BCL6: variants seen among roughly 807,000 people sequenced by gnomAD.
BCL6 encodes the protein B-cell lymphoma 6 protein.
Under a neutral mutation model 59.5 loss-of-function variants are expected in BCL6, and 7 were observed. The ratio of observed to expected loss-of-function variants is 0.12; its 90% CI spans 0.07 to 0.22. The LOEUF is 0.22. BCL6 is among the 10% of genes least tolerant of loss of function. The probability of loss-of-function intolerance (pLI) is 1.00; values close to 1 mark genes in which losing one functional copy is unlikely to be tolerated. For missense variants in BCL6, 685 were observed against 939.4 expected, an observed-to-expected ratio of 0.73 and a Z score of 3.54; for synonymous variants, 339 against 349.7, an observed-to-expected ratio of 0.97 and a Z score of 0.34.
chr3:187,744,270 C>CTGAGTCCCCCCGCACACTGAAAG, intron 1 of BCL6, among the ~76,000 whole-genome samples: 1 of 152,282 alleles, frequency 6.6e-6, no homozygotes, highest in Non-Finnish European at 1.5e-5. Context: ...TCGAGGTTCC[C>CTGAGTCCCCCCGCACACTGAAAG]TGAGTCCCCC....
chr3:187,744,986 C>T (rs1711852833), intron 1 of BCL6, among the ~76,000 whole-genome samples: 3 of 152,122 alleles, frequency 2.0e-5, no homozygotes, highest in South Asian at 2.1e-4. Context: ...CCCCCAAGCA[C>T]TGTCTCGTCC....
chr3:187,733,141 T>A (rs1419430459), intron 3 of BCL6, among the ~76,000 whole-genome samples: 1 of 152,138 alleles, frequency 6.6e-6, no homozygotes, highest in Non-Finnish European at 1.5e-5. Context: ...AATAAATACA[T>A]TTATAGCATA....
chr3:187,745,086 G>C (rs2108485141), intron 1 of BCL6, among the ~76,000 whole-genome samples: 2 of 151,886 alleles, frequency 1.3e-5, no homozygotes, highest in Middle Eastern at 3.4e-3. Flanking sequence ...GGTGGCAAAA[G>C]CCTCCCCAAA....
At chr3:187,728,306 G>C in intron 6 of BCL6, 54 bp downstream of exon 6, 1 of 1,484,322 alleles carries the variant, frequency 6.7e-7, no homozygotes, top group Non-Finnish European at 9.1e-7. Flanking sequence ...AAAACCTATG[G>C]AGCAGAGGGG....
chr3:187,744,867 C>T (rs575553483), intron 1 of BCL6, among the ~76,000 whole-genome samples: 12 of 152,158 alleles, frequency 7.9e-5, no homozygotes, highest in Middle Eastern at 3.4e-3. Context: ...CCGCACGAAT[C>T]CAGAGAGATC....
chr3:187,724,628 T>A, intron 9 of BCL6: 2 of 347,058 alleles, frequency 5.8e-6, no homozygotes, highest in Non-Finnish European at 1.1e-5. Context: ...AATGAATGAA[T>A]CTAGGTGGAG....
intron 1 of BCL6, among the ~76,000 whole-genome samples, chr3:187,735,160 T>C (rs1476855185): frequency 1.3e-5 from 2 of 152,338 alleles, no homozygotes; most frequent in African/African-American, 4.8e-5. Flanking sequence ...TAATTAGTTA[T>C]ACATACATAC....
intron 1 of BCL6, among the ~76,000 whole-genome samples, chr3:187,741,633 C>A (rs1365427834): frequency 6.6e-6 from 1 of 152,176 alleles, no homozygotes; most frequent in Non-Finnish European, 1.5e-5. Flanking sequence ...GCTGCACCCT[C>A]GCTGTGCTCG....
chr3:187,745,132 T>G (rs562494417), intron 1 of BCL6, among the ~76,000 whole-genome samples: 6 of 151,870 alleles, frequency 4.0e-5, no homozygotes, highest in Middle Eastern at 3.4e-3. Flanking sequence ...ATAATAATAA[T>G]AAATACATAA....
At chr3:187,723,171 T>C (rs908187044) in intron 9 of BCL6, among the ~76,000 whole-genome samples, 1 of 152,226 alleles carries the variant, frequency 6.6e-6, no homozygotes, top group Admixed American at 6.5e-5. Flanking sequence ...TTCACGGAAA[T>C]TCTGGAGTCT....
At chr3:187,741,058 G>C (rs1220032921) in intron 1 of BCL6, among the ~76,000 whole-genome samples, 1 of 152,192 alleles carries the variant, frequency 6.6e-6, no homozygotes, top group Non-Finnish European at 1.5e-5. Context: ...CAGCCCGTCC[G>C]AGAATCGCCG....
intron 6 of BCL6, 51 bp downstream of exon 6, chr3:187,728,309 C>T: frequency 6.7e-7 from 1 of 1,491,176 alleles, no homozygotes; most frequent in Non-Finnish European, 9.1e-7. Flanking sequence ...ACCTATGGAG[C>T]AGAGGGGCCT....
chr3:187,728,905 A>T (rs1718868399), intron 5 of BCL6, 145 bp downstream of exon 5: 1 of 1,157,932 alleles, frequency 8.6e-7, no homozygotes, highest in East Asian at 2.7e-5. Flanking sequence ...AGTGTAAAAT[A>T]CTTCCTTACT....
chr3:187,730,982 C>T (rs1039314901), intron 4 of BCL6, among the ~76,000 whole-genome samples: 2 of 152,088 alleles, frequency 1.3e-5, no homozygotes, highest in Admixed American at 6.5e-5. Context: ...TCTGTTTGAG[C>T]GAGGATGCAA....
intron 3 of BCL6, 64 bp downstream of exon 3, chr3:187,733,469 T>C (rs934052622): frequency 6.4e-7 from 1 of 1,573,322 alleles, no homozygotes; most frequent in Non-Finnish European, 8.7e-7. Context: ...TGTTCTGCCT[T>C]GCTTGGCTGC....
intron 6 of BCL6, 64 bp from the exon 7 acceptor site, chr3:187,726,962 C>T (rs999795293): frequency 1.4e-4 from 225 of 1,564,996 alleles, no homozygotes; most frequent in Admixed American, 1.1e-3. Flanking sequence ...GCTCTAAGGC[C>T]GCTCTCCTCT....
chr3:187,744,931 C>G (rs553918312), intron 1 of BCL6, among the ~76,000 whole-genome samples: 1 of 152,266 alleles, frequency 6.6e-6, no homozygotes, highest in African/African-American at 2.4e-5. Context: ...CGCGCGTCCT[C>G]TCCGCGGTCT....
At chr3:187,745,168 A>G (rs1576886448) in intron 1 of BCL6, among the ~76,000 whole-genome samples, 2 of 152,308 alleles carry the variant, frequency 1.3e-5, no homozygotes, top group African/African-American at 2.4e-5. Context: ...GGTGGGAGAG[A>G]CGTGGGACTA....
chr3:187,745,204 G>A (rs191453491), intron 1 of BCL6, among the ~76,000 whole-genome samples: 33 of 152,068 alleles, frequency 2.2e-4, no homozygotes, highest in Admixed American at 4.6e-4. Flanking sequence ...TTTAACACCT[G>A]ACAGCTAGAA....
Sources: gnomAD v4.1 joint callset for allele counts (sites outside exome capture counted in the v4.1 genomes callset) on GRCh38, gnomAD v4.1.1 for gene constraint, MANE v1.5 for transcripts, NCBI Gene and HGNC (gene_info 2026-07-23, HGNC 2026-07-21) for gene names.